The following NFATC1 variants were observed in gnomAD, a reference collection of about 807,000 sequenced individuals.
NFATC1 encodes the protein nuclear factor of activated T cells 1, also known as nuclear factor of activated T-cells, cytoplasmic 1.
NFATC1 carries 22 observed loss-of-function variants against 76.0 expected under a neutral mutation model. The ratio of observed to expected loss-of-function variants is 0.29; its 90% CI spans 0.21 to 0.41. The LOEUF (loss-of-function observed/expected upper bound fraction) is 0.41. Among genes scored for constraint, NFATC1 ranks in the 10% least tolerant of loss-of-function variants. The pLI is 1.00. For missense variants in NFATC1, 1,357 were observed against 1,337.7 expected (o/e 1.01, Z -0.23); for synonymous variants, 704 against 613.1 (o/e 1.15, Z -2.19).
intron 8 of NFATC1, among the ~76,000 whole-genome samples, chr18:79,484,959 C>G (rs1020479108): frequency 8.5e-5 from 13 of 152,250 alleles, no homozygotes; most frequent in African/African-American, 3.1e-4. Context: ...GTGGACTCCT[C>G]GGCACCCAGC....
At chr18:79,467,653 C>T (rs903094712) in intron 8 of NFATC1, 71 bp downstream of exon 8, 27 of 1,594,230 alleles carry the variant, frequency 1.7e-5, no homozygotes, top group African/African-American at 2.7e-5. Flanking sequence ...GACGCAGAAA[C>T]GACGTCGCCG....
intron 9 of NFATC1, chr18:79,515,765 C>T (rs1230287936): frequency 6.6e-6 from 1 of 152,018 alleles, no homozygotes; most frequent in Non-Finnish European, 1.5e-5. Context: ...GGTCACTCTC[C>T]TCGGGGTCCA....
intron 9 of NFATC1, among the ~76,000 whole-genome samples, chr18:79,487,473 CCTAGA>C (rs1030278143): frequency 6.6e-6 from 1 of 152,238 alleles, no homozygotes; most frequent in Non-Finnish European, 1.5e-5. Flanking sequence ...CACCGGGGGC[CCTAGA>C]CTGTGCCTTC....
chr18:79,445,943 G>C (rs1051848634), intron 3 of NFATC1, among the ~76,000 whole-genome samples: 5 of 152,208 alleles, frequency 3.3e-5, no homozygotes, highest in African/African-American at 9.7e-5. Flanking sequence ...TAAGTGCTGA[G>C]GTCAGCACAG....
At chr18:79,520,957 C>CCG (rs1335373489) in intron 9 of NFATC1, among the ~76,000 whole-genome samples, 1 of 65,434 alleles carries the variant, frequency 1.5e-5, no homozygotes, top group Non-Finnish European at 2.8e-5. Flanking sequence ...ATGTGTGTGT[C>CCG]TGTGTGTGGG....
At chr18:79,477,919 C>T (rs2089138568) in intron 8 of NFATC1, among the ~76,000 whole-genome samples, 2 of 152,188 alleles carry the variant, frequency 1.3e-5, no homozygotes, top group South Asian at 2.1e-4. Context: ...ACCCTGATGA[C>T]ATTGTTTAAC....
At chr18:79,409,965 G>A (rs2085602255) in intron 1 of NFATC1, 1 of 520,528 alleles carries the variant, frequency 1.9e-6, no homozygotes, top group Non-Finnish European at 3.8e-6. Flanking sequence ...GGGTTTAAAT[G>A]AAGATGGGGT....
intron 1 of NFATC1, among the ~76,000 whole-genome samples, chr18:79,404,165 AG>A (rs1330987607): frequency 1.3e-5 from 2 of 152,352 alleles, no homozygotes; most frequent in South Asian, 4.1e-4. Flanking sequence ...GCGTCGGACC[AG>A]GGGGAATATT....
intron 8 of NFATC1, chr18:79,469,619 C>G (rs2088690909): frequency 1.0e-6 from 1 of 985,988 alleles, no homozygotes. Flanking sequence ...GCACCCCCTG[C>G]CCAGTGTCTC....
At chr18:79,407,480 G>C (rs952260180) in intron 1 of NFATC1, among the ~76,000 whole-genome samples, 3 of 152,208 alleles carry the variant, frequency 2.0e-5, no homozygotes, top group Non-Finnish European at 2.9e-5. Context: ...GGGTCTTGCT[G>C]TGTCGCCCAG....
intron 3 of NFATC1, among the ~76,000 whole-genome samples, chr18:79,439,409 G>T (rs1411280179): frequency 6.7e-6 from 1 of 149,750 alleles, no homozygotes; most frequent in East Asian, 1.9e-4. Context: ...AAACTAAAGT[G>T]CAGGTCTGAC....
At chr18:79,506,510 G>A (rs1300353933) in intron 9 of NFATC1, among the ~76,000 whole-genome samples, 1 of 152,208 alleles carries the variant, frequency 6.6e-6, no homozygotes, top group Non-Finnish European at 1.5e-5. Flanking sequence ...CCTGAGAGCT[G>A]AGTGTGGTTT....
chr18:79,425,456 T>G (rs998248496), intron 2 of NFATC1, among the ~76,000 whole-genome samples: 1 of 152,212 alleles, frequency 6.6e-6, no homozygotes, highest in Non-Finnish European at 1.5e-5. Flanking sequence ...CCTGCCGAGT[T>G]CAGAGTCTGT....
At position 79,405,571 on chromosome 18, in the gene NFATC1, G is replaced by A. The variant is rs8096470; in HGVS notation, c.128-4832G>A. On this transcript the variant is annotated intron_variant, in intron 1 of 9. Transcript: ENST00000427363. The stretch of plus-strand genomic sequence containing the variant: ...CACAGCCAGGACAGTGGCCCCCGGC[G>A]TGTGGGGCTTGGCCTCTGGGGGCAG... Among the ~76,000 whole-genome samples the A allele has an allele frequency of 8.7e-3, 1,324 of 152,344 alleles. 19 individuals carry two copies. The highest frequency in any genetic ancestry group is 0.03 in the African/African-American group (1,257 of 41,580).
intron 2 of NFATC1, among the ~76,000 whole-genome samples, chr18:79,418,951 G>C (rs1203424046): frequency 1.3e-5 from 2 of 152,186 alleles, no homozygotes; most frequent in Non-Finnish European, 2.9e-5. Context: ...ATGTTACTCT[G>C]TCCATGTCTG....
chr18:79,411,504 G>A lies in NFATC1; in HGVS notation c.1226+3G>A, dbSNP rs2148191517. On this transcript the variant is annotated splice_donor_region_variant and intron_variant, in intron 2 of 9. Coordinates refer to ENST00000427363, the MANE Select transcript of NFATC1 (RefSeq NM_001278669.2). The stretch of plus-strand genomic sequence containing the variant: ...CTGTCCCCTACGTCCTACATGAGGT[G>A]AGCCGGCAGCGCGGGGCGGGACGGG... The A allele has an allele frequency of 1.4e-6, 2 of 1,477,304 alleles. No homozygotes were observed. The highest frequency in any genetic ancestry group is 2.5e-5 in the Admixed American group (1 of 39,740). 91.5% of individuals were successfully genotyped at this position (1,477,304 alleles called of 1,614,324 possible). A position where few individuals can be genotyped will look rare whatever the true frequency, so the allele number is the denominator to read the frequency against.
chr18:79,448,760 G>A lies in NFATC1; in HGVS notation c.1387-22G>A, dbSNP rs144316932. 2,827 of 1,609,280 alleles carry A rather than the reference G, an allele frequency of 1.8e-3. 8 individuals carry two copies. The highest frequency in any genetic ancestry group is 2.2e-3 in the Non-Finnish European group (2,542 of 1,177,396). On this transcript the variant is annotated intron_variant, in intron 3 of 9. Transcript: ENST00000427363. ...GGTCTGTGCTCTGGGTGCTGAGCAGGTGTTTTCTGTTCTCTCGCCAGCTGC... is the reference window on the plus strand; with the variant it reads ...GGTCTGTGCTCTGGGTGCTGAGCAGATGTTTTCTGTTCTCTCGCCAGCTGC...
At chr18:79,427,393 T>A (rs7506907) in intron 2 of NFATC1, among the ~76,000 whole-genome samples, 28,253 of 68,562 alleles carry the variant, frequency 0.41, 3,702 homozygotes, top group African/African-American at 0.51. Context: ...TGCAGTGGGT[T>A]GGGGGGAGCT....
intron 1 of NFATC1, among the ~76,000 whole-genome samples, chr18:79,400,988 A>AC (rs942573130): frequency 1.3e-4 from 11 of 86,162 alleles, no homozygotes; most frequent in Admixed American, 4.0e-4. Flanking sequence ...CGCCCCGCAG[A>AC]CCCCCCCAAG....
Sources: gnomAD v4.1 joint callset for allele counts (sites outside exome capture counted in the v4.1 genomes callset) on GRCh38, gnomAD v4.1.1 for gene constraint, MANE v1.5 for transcripts, NCBI Gene and HGNC (gene_info 2026-07-23, HGNC 2026-07-21) for gene names.